Variants in CFAP298 observed in about 807,000 individuals in gnomAD.
CFAP298 encodes cilia and flagella associated protein 298.
A neutral mutation model predicts 41.0 loss-of-function variants in CFAP298; 38 were observed. The ratio of observed to expected loss-of-function variants is 0.93; its 90% confidence interval spans 0.72 to 1.22. The LOEUF (loss-of-function observed/expected upper bound fraction) is 1.22, where lower values mean the gene tolerates loss of function less well. Among genes scored for constraint, CFAP298 ranks in the 50% most tolerant of loss-of-function variants. The pLI is 0.00. For synonymous variants in CFAP298, 137 were observed against 135.3 expected, an observed-to-expected ratio of 1.01 and a Z score of -0.09; for missense variants, 348 against 360.3, an observed-to-expected ratio of 0.97 and a Z score of 0.28.
intron 1 of CFAP298, 74 bp downstream of exon 1, chr21:32,612,031 C>T (rs1287254151): frequency 1.4e-6 from 2 of 1,439,448 alleles, no homozygotes; most frequent in East Asian, 2.7e-5. Context: ...ACCCCTCGGC[C>T]CACCCTGCCC....
chr21:32,604,134 C>T lies in CFAP298; in HGVS notation c.525G>A (p.Ser175=), dbSNP rs762628537. ...CTCACAAACTACGTACCTGTGTTCC[C>T]GACAAGTCTTCCTTATTTTCAAACT... is the stretch of plus-strand genomic sequence containing the variant. ...RMEFENKEDL[S]GTQAGLNVIK... Residue 175 remains serine (S), a synonymous_variant, in exon 4 of 7, where the codon TCG becomes TCA. Coordinates refer to ENST00000290155, the MANE Select transcript of CFAP298 (RefSeq NM_021254.4). The T allele has an allele frequency of 8.7e-6, 14 of 1,613,738 alleles. No individual in the cohort carries two copies. The highest frequency in any genetic ancestry group is 1.3e-5 in the African/African-American group (1 of 75,010).
chr21:32,609,295 A>C (rs2038937574), intron 2 of CFAP298, among the ~76,000 whole-genome samples: 1 of 152,212 alleles, frequency 6.6e-6, no homozygotes, highest in Non-Finnish European at 1.5e-5. Flanking sequence ...TTTTTGAGCT[A>C]CAGAAGGGAA....
intron 5 of CFAP298, 174 bp from the exon 6 acceptor site, chr21:32,602,541 T>G: frequency 7.0e-7 from 1 of 1,426,396 alleles, no homozygotes; most frequent in Non-Finnish European, 9.1e-7. Flanking sequence ...TGAGCAGCCC[T>G]GAGCCCTGGA....
In CFAP298 at chr21:32,604,165, C is replaced by A. The variant is rs761867633; in HGVS notation, c.494G>T (p.Arg165Leu). The part of the protein sequence containing the change: ...PMGLPPYDPI[R>L]MEFENKEDLS... ...GTCTTCCTTATTTTCAAACTCCATG[C>A]GGATGGGATCATACGGTGGCAACCC... Residue 165 changes from arginine (R) to leucine (L), a missense_variant, in exon 4 of 7, where the codon CGC becomes CTC. Arg to Leu is a moderately radical substitution (Grantham distance 102). Transcript: ENST00000290155. 23 of 1,614,084 alleles carry A rather than the reference C, an allele frequency of 1.4e-5. No individual in the cohort carries two copies. Among genetic ancestry groups the A allele is most frequent in the Non-Finnish European group, 1.9e-5 (23 of 1,180,004 alleles).
At position 32,601,663 on chromosome 21, in the gene CFAP298, C is replaced by T. The variant is rs894272831; in HGVS notation, c.*200G>A. 2 of 495,824 alleles carry T rather than the reference C, an allele frequency of 4.0e-6. No homozygotes were observed. The highest frequency in any genetic ancestry group is 1.9e-5 in the African/African-American group (1 of 52,146). 30.7% of individuals were successfully genotyped at this position (495,824 alleles called of 1,614,324 possible). ...ATAGTCCTGAAACAAAAACGATTTA[C>T]ACATTTTCTTCTGACTAGGTATTTA... On this transcript the variant is annotated 3_prime_UTR_variant, in exon 7 of 7. Transcript: ENST00000290155.
intron 3 of CFAP298, among the ~76,000 whole-genome samples, chr21:32,605,189 A>G (rs533094813): frequency 6.6e-6 from 1 of 152,338 alleles, no homozygotes; most frequent in African/African-American, 2.4e-5. Flanking sequence ...AAAAAAAAGA[A>G]CAGACCTAGT....
chr21:32,611,361 CA>C (rs1463280254), intron 1 of CFAP298, among the ~76,000 whole-genome samples: 3 of 124,748 alleles, frequency 2.4e-5, no homozygotes, highest in African/African-American at 7.2e-5. Context: ...TTTATATATA[CA>C]TATATATAAT....
intron 1 of CFAP298, among the ~76,000 whole-genome samples, chr21:32,611,175 G>A (rs2038982504): frequency 6.6e-6 from 1 of 151,068 alleles, no homozygotes; most frequent in Non-Finnish European, 1.5e-5. Flanking sequence ...GTGGTGGTGG[G>A]CGCCTGTAAT....
chr21:32,608,025 T>C (rs534988859), intron 2 of CFAP298, among the ~76,000 whole-genome samples: 4 of 152,274 alleles, frequency 2.6e-5, no homozygotes, highest in Admixed American at 6.5e-5. Context: ...ATTTGAGGCT[T>C]TGCAGGCCAC....
intron 1 of CFAP298, among the ~76,000 whole-genome samples, chr21:32,610,249 T>C (rs916021599): frequency 2.0e-5 from 3 of 152,082 alleles, no homozygotes; most frequent in Admixed American, 6.5e-5. Flanking sequence ...CAGGCAGGAG[T>C]GCAGTGGCGC....
intron 1 of CFAP298, 43 bp downstream of exon 1, chr21:32,612,062 G>C (rs1249988954): frequency 6.7e-7 from 1 of 1,489,452 alleles, no homozygotes; most frequent in Non-Finnish European, 9.0e-7. Context: ...ATCCCACGCC[G>C]GTCTCTCGAT....
Position 32,599,534 on chromosome 21 carries a change from T to C in CFAP298, c.*2329A>G, listed in dbSNP as rs759076136. Among the ~76,000 whole-genome samples, 12 of 151,974 alleles carry C rather than the reference T, an allele frequency of 7.9e-5. No homozygotes were observed. Among genetic ancestry groups the C allele is most frequent in the Non-Finnish European group, 8.8e-5 (6 of 67,996 alleles). On this transcript the variant is annotated 3_prime_UTR_variant, in exon 7 of 7. Coordinates refer to ENST00000290155, the MANE Select transcript of CFAP298 (RefSeq NM_021254.4). ...GGACTGGATTAAAAAAAGAAGAAAA[T>C]AACAACAAGACCACAGACTTAAGCT... is the stretch of plus-strand genomic sequence containing the variant.
chr21:32,609,541 G>C lies in CFAP298; in HGVS notation c.307+297C>G, dbSNP rs62214720. On this transcript the variant is annotated intron_variant, in intron 2 of 6. Transcript: ENST00000290155. ...GCACTTTGGGAGGCCGAGACCGGCA[G>C]ATCATCTGAGGTCACGAGTTCGAGA... is the stretch of plus-strand genomic sequence containing the variant. 0.039 allele frequency among the ~76,000 whole-genome samples: 5,986 copies of C among 152,338 alleles called. 189 individuals are homozygous for C. The highest frequency in any genetic ancestry group is 0.061 in the Non-Finnish European group (4,162 of 68,024).
rs1171964713 is a variant in CFAP298 at position 32,601,682 on chromosome 21, G to T, written c.*181C>A. 5 of 526,262 alleles carry T rather than the reference G, an allele frequency of 9.5e-6. No homozygotes were observed. In the East Asian group the frequency reaches 1.2e-4, roughly 12 times the overall value. 32.6% of individuals were successfully genotyped at this position (526,262 alleles called of 1,614,324 possible). A position where few individuals can be genotyped will look rare whatever the true frequency, so the allele number is the denominator to read the frequency against. ...GATTTACACATTTTCTTCTGACTAG[G>T]TATTTATTAAGTTCTAAAACCTTGA... is the stretch of plus-strand genomic sequence containing the variant. On this transcript the variant is annotated 3_prime_UTR_variant, in exon 7 of 7. Coordinates refer to ENST00000290155, the MANE Select transcript of CFAP298 (RefSeq NM_021254.4).
chr21:32,602,394 G>T, intron 5 of CFAP298, 27 bp from the exon 6 acceptor site: 1 of 1,599,506 alleles, frequency 6.3e-7, no homozygotes. Context: ...AGAGCAAATT[G>T]TGGATTAAGG....
intron 2 of CFAP298, among the ~76,000 whole-genome samples, chr21:32,609,166 A>G (rs2038935282): frequency 6.6e-6 from 1 of 152,140 alleles, no homozygotes; most frequent in Admixed American, 6.6e-5. Context: ...CACACAGTCC[A>G]TCTCGAAAGA....
At chr21:32,602,813 G>A in intron 5 of CFAP298, 1 of 1,385,556 alleles carries the variant, frequency 7.2e-7, no homozygotes, top group Non-Finnish European at 9.3e-7. Context: ...TCCCCCTCCT[G>A]TACACAGCAT....
chr21:32,611,568 G>A (rs1318091447), intron 1 of CFAP298, among the ~76,000 whole-genome samples: 8 of 151,836 alleles, frequency 5.3e-5, no homozygotes, highest in Non-Finnish European at 1.5e-5. Context: ...AAGTTCTGCG[G>A]CAAAGCGGGT....
Position 32,601,906 on chromosome 21 carries a change from CT to C in CFAP298, c.829del (p.Arg277AspfsTer6), listed in dbSNP as rs2038749156. 2 of 1,612,822 alleles carry C rather than the reference CT, an allele frequency of 1.2e-6. No individual in the cohort carries two copies. Among genetic ancestry groups the C allele is most frequent in the Non-Finnish European group, 1.7e-6 (2 of 1,179,076 alleles). ...TATGTCTTTCACTCCATGAAAATGT[CT>C]TTTCAAAGCAGTGTTATCCGCCCAT... is the stretch of plus-strand genomic sequence containing the variant. ...SPWADNTALKRHFHGVKDIKW... is the reference protein window; with the variant it reads ...SPWADNTALKXHFHGVKDIKW... On this transcript the variant is annotated frameshift_variant, in exon 7 of 7. Coordinates refer to ENST00000290155, the MANE Select transcript of CFAP298 (RefSeq NM_021254.4). LOFTEE classifies it high-confidence loss of function.
Sources: gnomAD v4.1 joint callset for allele counts (sites outside exome capture counted in the v4.1 genomes callset) on GRCh38, gnomAD v4.1.1 for gene constraint, MANE v1.5 for transcripts, NCBI Gene and HGNC (gene_info 2026-07-23, HGNC 2026-07-21) for gene names.